Variants in APC observed in about 807,000 individuals in gnomAD.
APC encodes the protein APC regulator of Wnt signaling pathway.
APC carries 72 observed loss-of-function variants against 247.0 expected under a neutral mutation model. The ratio of observed to expected loss-of-function variants is 0.29; its 90% CI spans 0.24 to 0.35. The LOEUF (loss-of-function observed/expected upper bound fraction) is 0.35, where lower values mean the gene tolerates loss of function less well. Ranked by LOEUF, APC falls within the 10% of genes least tolerant of loss-of-function variation. The probability of loss-of-function intolerance (pLI) is 1.00; values close to 1 mark genes in which losing one functional copy is unlikely to be tolerated. For missense variants in APC, 3,400 were observed against 3,360.7 expected (o/e 1.01, Z -0.29); for synonymous variants, 1,254 against 1,162.5 (o/e 1.08, Z -1.60).
rs115814978 is a variant in APC, at chr5:112,708,458, A to T, written c.165+576A>T. 3.2e-3 allele frequency among the ~76,000 whole-genome samples: 482 copies of T among 152,286 alleles called. 4 individuals are homozygous for T. Among genetic ancestry groups the T allele is most frequent in the African/African-American group, 0.011 (459 of 41,556 alleles). On this transcript the variant is annotated intron_variant, in intron 1 of 13. Coordinates refer to the APC transcript ENST00000507379. ...TGGCAAATGATTGTTCATCTAAATC[A>T]TTCATTTTTTTCGGCTGTAGGAAAT...
rs781026376 is a variant in APC, at chr5:112,841,197, A to T, written c.5603A>T (p.Asp1868Val). Residue 1868 changes from aspartate (D) to valine (V), a missense_variant, in exon 16 of 16, where the codon GAT (aspartate) becomes GTT (valine). Physicochemically the swap from Asp to Val is radical, Grantham distance 152 (BLOSUM62 -3). Around this residue, in one of 9 missense-constraint regions of APC, gnomAD observed 1,788 missense variants for 1,649.5 expected, o/e 1.08. Transcript: ENST00000257430. This position sits in a 1 kb window ranked among gnomAD's most constrained non-coding sequence, Gnocchi z 4.6. ...GATTCTTTGAGTTCTCTAGATTTTG[A>T]TGATGATGATGTTGACCTTTCCAGG... ...RNDSLSSLDF[D>V]DDDVDLSREK... 6.2e-7 allele frequency: 1 copy of T among 1,613,766 alleles called. No homozygotes were observed. The highest frequency in any genetic ancestry group is 1.1e-5 in the South Asian group (1 of 91,060).
At chr5:112,818,406 C>CT (rs1424890195) in intron 9 of APC, among the ~76,000 whole-genome samples, 1 of 151,982 alleles carries the variant, frequency 6.6e-6, no homozygotes, top group South Asian at 2.1e-4. Context: ...TGGCATTTTC[C>CT]TTTTTATGAC....
At position 112,707,627 on chromosome 5, in the gene APC, G is replaced by C. The variant is rs1400212160; in HGVS notation, c.-91G>C. 1.5e-6 allele frequency: 2 copies of C among 1,314,910 alleles called. No homozygotes were observed. Among genetic ancestry groups the C allele is most frequent in the Admixed American group, 4.4e-5 (2 of 45,126 alleles). 81.5% of individuals were successfully genotyped at this position (1,314,910 alleles called of 1,614,324 possible). On this transcript the variant is annotated 5_prime_UTR_variant, in exon 1 of 14. Coordinates refer to the APC transcript ENST00000507379. ...CTCAGGCCCGGGAGCTGCGGACCGA[G>C]GTTGGCTCGATGCTGTTCCCAGGTA...
intron 1 of APC, among the ~76,000 whole-genome samples, chr5:112,730,283 A>G (rs1410532787): frequency 6.6e-6 from 1 of 152,248 alleles, no homozygotes; most frequent in East Asian, 1.9e-4. Flanking sequence ...AAGCATCAGA[A>G]TGATAACAGT....
At chr5:112,786,891 T>TC (rs1203234510) in intron 6 of APC, among the ~76,000 whole-genome samples, 1 of 107,716 alleles carries the variant, frequency 9.3e-6, no homozygotes, top group African/African-American at 2.7e-5. Context: ...TTTTTCTTTT[T>TC]TTTTTTTTTT....
rs1466830995 is a variant in APC, at chr5:112,845,897, T to C, written c.*1771T>C. ...TGGGGAGGGAAAACCTTTTTAAGCA[T>C]GGTGGGGCACTCAGATAGGAGTGAA... is the stretch of plus-strand genomic sequence containing the variant. On this transcript the variant is annotated 3_prime_UTR_variant, in exon 16 of 16. Coordinates refer to ENST00000257430, the MANE Select transcript of APC (RefSeq NM_000038.6). 1 of 232,024 alleles carries C rather than the reference T, an allele frequency of 4.3e-6. No individual in the cohort carries two copies. Among genetic ancestry groups the C allele is most frequent in the African/African-American group, 2.2e-5 (1 of 45,294 alleles). The allele number at this position is 232,024 out of a possible 1,614,324, so 14.4% of individuals were successfully genotyped here.
intron 1 of APC, among the ~76,000 whole-genome samples, chr5:112,739,584 C>A (rs183633525): frequency 6.6e-6 from 1 of 152,166 alleles, no homozygotes; most frequent in Non-Finnish European, 1.5e-5. Flanking sequence ...AGGAGCCGGG[C>A]GTGGTGGCCC....
At chr5:112,748,503 C>CT (rs1199405332) in intron 1 of APC, among the ~76,000 whole-genome samples, 9 of 152,200 alleles carry the variant, frequency 5.9e-5, no homozygotes, top group Middle Eastern at 3.4e-3. Context: ...ATTATGTTGA[C>CT]TGGAAGTGTG....
chr5:112,745,633 G>C (rs1047975384), intron 1 of APC, among the ~76,000 whole-genome samples: 1 of 151,498 alleles, frequency 6.6e-6, no homozygotes, highest in Non-Finnish European at 1.5e-5. Flanking sequence ...TTGCAATCTC[G>C]GCTCACAGCA....
chr5:112,828,049 C>G (rs2149814430), intron 13 of APC, 43 bp downstream of exon 13: 5 of 1,539,412 alleles, frequency 3.2e-6, no homozygotes, highest in Non-Finnish European at 4.5e-6. Context: ...TTCTCTTTTT[C>G]TTTGAGGCAG....
intron 4 of APC, among the ~76,000 whole-genome samples, chr5:112,772,804 G>A (rs1027268416): frequency 6.6e-6 from 1 of 152,124 alleles, no homozygotes; most frequent in Non-Finnish European, 1.5e-5. Context: ...GGCGTGACCC[G>A]CCGTGCCTGG....
In APC at chr5:112,755,944, CA is replaced by C. The variant is rs71708215; in HGVS notation, c.135+934del. On this transcript the variant is annotated intron_variant, in intron 2 of 15. Coordinates refer to ENST00000257430, the MANE Select transcript of APC (RefSeq NM_000038.6). ...GGGCAATATAGCAAGACCCCATTCT[CA>C]AAAAAAAAAAAAAATTACTTCCTTT... Among the ~76,000 whole-genome samples, 704 of 127,900 alleles carry C rather than the reference CA, an allele frequency of 5.5e-3. 1 individual carries two copies. Among genetic ancestry groups the C allele is most frequent in the African/African-American group, 0.011 (380 of 35,680 alleles). The allele number at this position is 127,900 out of a possible 152,430, so 83.9% of individuals were successfully genotyped here.
chr5:112,733,698 T>C (rs1389964387), upstream of APC, among the ~76,000 whole-genome samples: 1 of 152,212 alleles, frequency 6.6e-6, no homozygotes, highest in African/African-American at 2.4e-5. Context: ...AAATGTGTGT[T>C]TTAAGACACT....
Position 112,707,586 on chromosome 5 carries a change from G to GC in APC, c.-132_-131insC, listed in dbSNP as rs926268635. 3.1e-6 allele frequency: 3 copies of GC among 969,912 alleles called. No individual in the cohort carries two copies. The African/African-American group carries it at 4.9e-5, about 16-fold the overall frequency. 60.1% of individuals were successfully genotyped at this position (969,912 alleles called of 1,614,324 possible). A position where few individuals can be genotyped will look rare whatever the true frequency, so the allele number is the denominator to read the frequency against. Reference sequence around the variant, plus strand: ...GCCGCCGGAAGCCTAGCCGCTGCTCGGGGGGGACCTGCGGGCTCAGGCCCG... The same window carrying GC: ...GCCGCCGGAAGCCTAGCCGCTGCTCGCGGGGGGACCTGCGGGCTCAGGCCCG... On this transcript the variant is annotated 5_prime_UTR_variant, in exon 1 of 14. Coordinates refer to the APC transcript ENST00000507379.
At chr5:112,827,038 G>A (rs2149807729) in intron 11 of APC, 70 bp from the exon 12 acceptor site, 1 of 1,517,976 alleles carries the variant, frequency 6.6e-7, no homozygotes, top group South Asian at 1.1e-5. Flanking sequence ...TAGTATTTAA[G>A]TTACCAACTT....
chr5:112,780,487 G>A (rs2149637633), intron 5 of APC, among the ~76,000 whole-genome samples: 1 of 152,250 alleles, frequency 6.6e-6, no homozygotes, highest in Non-Finnish European at 1.5e-5. Flanking sequence ...TAAGGCAACT[G>A]AATTTAACCT....
chr5:112,739,991 A>C (rs917404515), intron 1 of APC, among the ~76,000 whole-genome samples: 1 of 152,210 alleles, frequency 6.6e-6, no homozygotes, highest in South Asian at 2.1e-4. Context: ...AATGTAAAGA[A>C]CTTAAGTCTT....
intron 1 of APC, among the ~76,000 whole-genome samples, chr5:112,740,515 T>TG (rs1202496824): frequency 9.6e-6 from 1 of 104,256 alleles, no homozygotes; most frequent in Non-Finnish European, 1.9e-5. Context: ...GTTTTTTGTG[T>TG]TTTTTTTTCT....
At chr5:112,797,645 G>T (rs931435824) in intron 7 of APC, among the ~76,000 whole-genome samples, 1 of 152,156 alleles carries the variant, frequency 6.6e-6, no homozygotes, top group Non-Finnish European at 1.5e-5. Flanking sequence ...ACATTGGGTG[G>T]AATGGGAGCT....
Sources: gnomAD v4.1 joint callset for allele counts (sites outside exome capture counted in the v4.1 genomes callset) on GRCh38, gnomAD v4.1.1 for gene constraint, gnomAD v4.1.1 regional missense constraint, Gnocchi (gnomAD v3.1) non-coding constraint, MANE v1.5 for transcripts, NCBI Gene and HGNC (gene_info 2026-07-23, HGNC 2026-07-21) for gene names.